Variants in RAB2A observed in about 807,000 individuals in gnomAD.
RAB2A encodes the protein ras-related protein Rab-2A.
In RAB2A, 7 loss-of-function variants were observed where a neutral mutation model predicts 32.5. The observed-to-expected ratio is 0.22, with a 90% confidence interval of 0.12 to 0.40. The LOEUF is 0.40. Among genes scored for constraint, RAB2A ranks in the 10% least tolerant of loss-of-function variants. The pLI is 1.00. For missense variants in RAB2A, 108 were observed against 260.7 expected (o/e 0.41, Z 4.03); for synonymous variants, 79 against 85.2 (o/e 0.93, Z 0.40).
At chr8:60,605,483 C>T (rs570633401) in intron 6 of RAB2A, among the ~76,000 whole-genome samples, 16 of 152,122 alleles carry the variant, frequency 1.1e-4, no homozygotes, top group Admixed American at 2.0e-4. Flanking sequence ...CAACAGTTTG[C>T]ACCCATCACT....
chr8:60,550,372 G>A (rs1807827183), intron 1 of RAB2A, among the ~76,000 whole-genome samples: 2 of 151,112 alleles, frequency 1.3e-5, no homozygotes, highest in Non-Finnish European at 2.9e-5. Context: ...CTCCTTACTG[G>A]TTCACGGTTT....
chr8:60,622,492 A>G lies in RAB2A; in HGVS notation c.*1723A>G, dbSNP rs913690146. 2.0e-5 allele frequency: 3 copies of G among 152,338 alleles called. No homozygotes were observed. Among genetic ancestry groups the G allele is most frequent in the African/African-American group, 7.2e-5 (3 of 41,580 alleles). The allele number at this position is 152,338 out of a possible 1,614,324, so 9.4% of individuals were successfully genotyped here. On this transcript the variant is annotated 3_prime_UTR_variant, in exon 8 of 8. Coordinates refer to ENST00000262646, the MANE Select transcript of RAB2A (RefSeq NM_002865.3). ...TTTTTTCTTTCAAGTGGCTGTATCA[A>G]ATTCACTGGTCTTACTAATCACTGT...
intron 4 of RAB2A, among the ~76,000 whole-genome samples, 181 bp downstream of exon 4, chr8:60,584,471 T>C (rs1803816667): frequency 6.6e-6 from 1 of 152,238 alleles, no homozygotes; most frequent in South Asian, 2.1e-4. Context: ...TTTTTCTTAT[T>C]TGAATTAGCA....
chr8:60,597,443 G>T (rs780182438), intron 6 of RAB2A, among the ~76,000 whole-genome samples: 2 of 152,070 alleles, frequency 1.3e-5, no homozygotes, highest in African/African-American at 2.4e-5. Flanking sequence ...GGGCCTGTTG[G>T]GGGGTGGGGG....
chr8:60,608,273 A>G (rs979934335), intron 6 of RAB2A, among the ~76,000 whole-genome samples: 2 of 152,228 alleles, frequency 1.3e-5, no homozygotes, highest in African/African-American at 4.8e-5. Context: ...GTTAACAGTA[A>G]TGATGACTGT....
At chr8:60,579,686 G>A (rs567501958) in intron 3 of RAB2A, among the ~76,000 whole-genome samples, 1 of 151,854 alleles carries the variant, frequency 6.6e-6, no homozygotes, top group East Asian at 1.9e-4. Flanking sequence ...GGAGTGCGGT[G>A]GCGCAGTCTT....
intron 3 of RAB2A, chr8:60,576,157 A>C (rs1459009626): frequency 2.2e-6 from 1 of 453,710 alleles, no homozygotes; most frequent in Non-Finnish European, 4.4e-6. Flanking sequence ...AAGCACTGAC[A>C]CTTGGCCCTT....
Position 60,584,711 on chromosome 8 carries a change from A to T in RAB2A, c.270-12A>T. 6.3e-7 allele frequency: 1 copy of T among 1,585,076 alleles called. No homozygotes were observed. The highest frequency in any genetic ancestry group is 1.1e-5 in the South Asian group (1 of 89,176). ...CTTTGAACATAGTAATTAAATTATT[A>T]TTTATGTTTAGGAGAGATACATTCA... On this transcript the variant is annotated splice_polypyrimidine_tract_variant and intron_variant, in intron 4 of 7. Transcript: ENST00000262646.
intron 2 of RAB2A, among the ~76,000 whole-genome samples, chr8:60,562,457 G>A (rs1402372815): frequency 6.6e-6 from 1 of 152,142 alleles, no homozygotes; most frequent in Non-Finnish European, 1.5e-5. Context: ...TTTTGTTGGG[G>A]TCATAGTCCA....
At chr8:60,519,975 G>A (rs1452876876) in intron 1 of RAB2A, among the ~76,000 whole-genome samples, 2 of 152,224 alleles carry the variant, frequency 1.3e-5, no homozygotes, top group East Asian at 1.9e-4. Flanking sequence ...TAGAAAAGAT[G>A]ACTTTAAAAT....
At chr8:60,608,760 A>G (rs1451271488) in intron 6 of RAB2A, among the ~76,000 whole-genome samples, 1 of 152,070 alleles carries the variant, frequency 6.6e-6, no homozygotes, top group Non-Finnish European at 1.5e-5. Context: ...AGTTGTGCTG[A>G]GTGATCTTCA....
chr8:60,539,896 C>T (rs1807613189), intron 1 of RAB2A, among the ~76,000 whole-genome samples: 1 of 151,892 alleles, frequency 6.6e-6, no homozygotes, highest in Non-Finnish European at 1.5e-5. Flanking sequence ...TTGATATGAA[C>T]GGTCCAGTTT....
intron 2 of RAB2A, among the ~76,000 whole-genome samples, chr8:60,568,788 C>T (rs1467828139): frequency 1.3e-5 from 2 of 152,064 alleles, no homozygotes; most frequent in East Asian, 1.9e-4. Flanking sequence ...TTTGACTCCA[C>T]AGAAATTTAT....
In RAB2A at chr8:60,622,177, GGTGTAAGCA is replaced by G. The variant is rs1804538417; in HGVS notation, c.*1418_*1426del. 1 of 152,126 alleles carries G rather than the reference GGTGTAAGCA, an allele frequency of 6.6e-6. No individual in the cohort carries two copies. 9.4% of individuals were successfully genotyped at this position (152,126 alleles called of 1,614,324 possible). On this transcript the variant is annotated 3_prime_UTR_variant, in exon 8 of 8. Transcript: ENST00000262646. ...CCATACTGAAATTATTTTTGTTGAT[GGTGTAAGCA>G]GTGTAAGCAAGTGTTTTCTCCTGAA...
intron 1 of RAB2A, among the ~76,000 whole-genome samples, chr8:60,526,631 G>A (rs570360571): frequency 3.9e-5 from 6 of 152,118 alleles, no homozygotes; most frequent in South Asian, 2.1e-4. Flanking sequence ...GCATTTTTCC[G>A]CTTACCATAA....
chr8:60,582,483 C>A (rs1017273371), intron 3 of RAB2A, among the ~76,000 whole-genome samples: 5 of 152,178 alleles, frequency 3.3e-5, no homozygotes, highest in African/African-American at 1.2e-4. Flanking sequence ...ACGCATATAA[C>A]TAAGACATTA....
chr8:60,532,564 G>A (rs946194022), intron 1 of RAB2A, among the ~76,000 whole-genome samples: 42 of 152,118 alleles, frequency 2.8e-4, no homozygotes, highest in African/African-American at 9.2e-4. Flanking sequence ...AGGGTGGAGT[G>A]CAGTGGCATA....
At chr8:60,532,735 C>T (rs548719546) in intron 1 of RAB2A, among the ~76,000 whole-genome samples, 1 of 152,368 alleles carries the variant, frequency 6.6e-6, no homozygotes, top group East Asian at 1.9e-4. Context: ...GTCTCAAATT[C>T]CCGGGCTCAA....
intron 6 of RAB2A, among the ~76,000 whole-genome samples, chr8:60,610,120 T>A (rs1804312992): frequency 6.6e-6 from 1 of 152,024 alleles, no homozygotes; most frequent in Non-Finnish European, 1.5e-5. Context: ...CCCCCACCCT[T>A]CCCAGAAGCC....
Sources: gnomAD v4.1 joint callset for allele counts (sites outside exome capture counted in the v4.1 genomes callset) on GRCh38, gnomAD v4.1.1 for gene constraint, MANE v1.5 for transcripts, NCBI Gene and HGNC (gene_info 2026-07-23, HGNC 2026-07-21) for gene names.